CCSER1: variants seen among roughly 807,000 people sequenced by gnomAD.
CCSER1 encodes the protein serine-rich coiled-coil domain-containing protein 1.
A neutral mutation model predicts 82.0 loss-of-function variants in CCSER1; 41 were observed. The observed-to-expected ratio is 0.50, with a 90% CI of 0.39 to 0.65. The LOEUF (loss-of-function observed/expected upper bound fraction) is 0.65, where lower values mean the gene tolerates loss of function less well. CCSER1 is among the 30% of genes least tolerant of loss of function. The probability of loss-of-function intolerance (pLI) is 0.00; values close to 1 mark genes in which losing one functional copy is unlikely to be tolerated. For missense variants in CCSER1, 1,119 were observed against 1,064.2 expected (o/e 1.05, Z -0.72); for synonymous variants, 414 against 383.9 (o/e 1.08, Z -0.92).
At chr4:91,455,458 A>G (rs890213802) in intron 10 of CCSER1, among the ~76,000 whole-genome samples, 4 of 152,036 alleles carry the variant, frequency 2.6e-5, no homozygotes, top group Non-Finnish European at 5.9e-5. Flanking sequence ...GATTGAATGG[A>G]GTGTTCTTGC....
chr4:90,664,070 T>G (rs1004195237), intron 6 of CCSER1: 1 of 161,680 alleles, frequency 6.2e-6, no homozygotes, highest in Admixed American at 6.3e-5. Context: ...TTACAAGATA[T>G]TTTATACAAA....
intron 5 of CCSER1, among the ~76,000 whole-genome samples, chr4:90,470,319 A>T (rs1434115401): frequency 6.6e-6 from 1 of 152,196 alleles, no homozygotes; most frequent in East Asian, 1.9e-4. Context: ...GATGCCATCT[A>T]TCAAATGGAA....
rs1007972043 is a variant in CCSER1, at chr4:91,430,856, A to G, written c.2218-167716A>G. Among the ~76,000 whole-genome samples, 11 of 152,322 alleles carry G rather than the reference A, an allele frequency of 7.2e-5. No homozygotes were observed. The South Asian group carries it at 2.3e-3, about 32-fold the overall frequency. Reference sequence around the variant, plus strand: ...TTTTAGTCAAGTGCTAAACCTATTAATGATGGAAATCCTCTAGCGTTTTAT... The same window carrying G: ...TTTTAGTCAAGTGCTAAACCTATTAGTGATGGAAATCCTCTAGCGTTTTAT... On this transcript the variant is annotated intron_variant, in intron 10 of 10. Coordinates refer to ENST00000509176, the MANE Select transcript of CCSER1 (RefSeq NM_001145065.2).
At chr4:90,839,873 AG>A (rs1370067555) in intron 8 of CCSER1, among the ~76,000 whole-genome samples, 3 of 152,196 alleles carry the variant, frequency 2.0e-5, no homozygotes, top group Non-Finnish European at 4.4e-5. Flanking sequence ...GGAAGTATAA[AG>A]GATTGATACA....
chr4:90,806,172 CA>C (rs1757477778), intron 7 of CCSER1, among the ~76,000 whole-genome samples: 1 of 152,096 alleles, frequency 6.6e-6, no homozygotes, highest in African/African-American at 2.4e-5. Context: ...TGCTGGGTAG[CA>C]AAAATTCATT....
rs565078645 is a variant in CCSER1 at position 90,421,749 on chromosome 4, G to A, written c.1603+21620G>A. ...AAAAGTTTAGAGTTGTAGGATTGGC[G>A]GAAACAGTGAGGGGAGGATTTTAAC... is the stretch of plus-strand genomic sequence containing the variant. On this transcript the variant is annotated intron_variant, in intron 4 of 10. Coordinates refer to ENST00000509176, the MANE Select transcript of CCSER1 (RefSeq NM_001145065.2). 3.9e-5 allele frequency among the ~76,000 whole-genome samples: 6 copies of A among 152,186 alleles called. No individual in the cohort carries two copies. The South Asian group carries it at 1.0e-3, about 26-fold the overall frequency.
At chr4:90,324,328 C>T (rs1737720111) in intron 3 of CCSER1, among the ~76,000 whole-genome samples, 1 of 150,036 alleles carries the variant, frequency 6.7e-6, no homozygotes, top group South Asian at 2.2e-4. Context: ...CTCTCCAGCA[C>T]CTGTTGTTTC....
intron 4 of CCSER1, among the ~76,000 whole-genome samples, chr4:90,461,481 A>T (rs7677243): frequency 0.026 from 4,027 of 152,266 alleles, 85 homozygotes; most frequent in African/African-American, 0.061. Flanking sequence ...TTAAGTTTAG[A>T]AGGTGTTTAA....
At chr4:91,332,734 C>G (rs1747042700) in intron 10 of CCSER1, among the ~76,000 whole-genome samples, 1 of 151,934 alleles carries the variant, frequency 6.6e-6, no homozygotes, top group African/African-American at 2.4e-5. Flanking sequence ...ACGTAAGGAG[C>G]TTTGTATACT....
rs548178082 is a variant in CCSER1, at chr4:90,189,314, A to T, written c.-42+61483A>T. Among the ~76,000 whole-genome samples, 4 of 151,932 alleles carry T rather than the reference A, an allele frequency of 2.6e-5. No individual in the cohort carries two copies. In the South Asian group the frequency reaches 8.3e-4, roughly 32 times the overall value. On this transcript the variant is annotated intron_variant, in intron 1 of 10. Transcript: ENST00000509176. Reference sequence around the variant, plus strand: ...CAATGTGGTCTGTAATGAATCCCCAACCCTAGAGAGTTCTAAATATAGAAT... The same window carrying T: ...CAATGTGGTCTGTAATGAATCCCCATCCCTAGAGAGTTCTAAATATAGAAT...
chr4:90,139,204 A>G (rs1003853581), intron 1 of CCSER1, among the ~76,000 whole-genome samples: 2 of 152,148 alleles, frequency 1.3e-5, no homozygotes, highest in African/African-American at 4.8e-5. Context: ...AGAAACTCTT[A>G]TTTACATAAA....
intron 1 of CCSER1, among the ~76,000 whole-genome samples, chr4:90,195,084 G>C (rs541163542): frequency 6.6e-6 from 1 of 152,118 alleles, no homozygotes; most frequent in East Asian, 1.9e-4. Flanking sequence ...TTCAATAAAA[G>C]GGAAGCTTAA....
At chr4:91,229,184 T>C (rs1738428161) in intron 10 of CCSER1, among the ~76,000 whole-genome samples, 1 of 151,818 alleles carries the variant, frequency 6.6e-6, no homozygotes, top group African/African-American at 2.4e-5. Flanking sequence ...AAACCTTGTG[T>C]TTTACAGGCA....
chr4:91,109,482 C>A (rs550986846), intron 10 of CCSER1, among the ~76,000 whole-genome samples: 1 of 151,192 alleles, frequency 6.6e-6, no homozygotes, highest in Admixed American at 6.6e-5. Flanking sequence ...GGTAGGTAGT[C>A]CTAAGTTAAA....
intron 6 of CCSER1, among the ~76,000 whole-genome samples, chr4:90,688,498 T>C (rs536743640): frequency 1.6e-4 from 24 of 152,254 alleles, no homozygotes; most frequent in African/African-American, 5.8e-4. Flanking sequence ...ATTATATACT[T>C]GTTACCATAT....
chr4:90,244,526 G>A (rs1721074261), intron 1 of CCSER1, among the ~76,000 whole-genome samples: 1 of 152,168 alleles, frequency 6.6e-6, no homozygotes, highest in African/African-American at 2.4e-5. Context: ...AAGGAAAGAG[G>A]TTTAATTGAC....
intron 7 of CCSER1, among the ~76,000 whole-genome samples, chr4:90,794,397 C>G (rs1755685749): frequency 6.6e-6 from 1 of 152,150 alleles, no homozygotes. Flanking sequence ...CCAGTTATCC[C>G]AGCACCATTT....
chr4:90,729,409 T>A (rs1483434011), intron 7 of CCSER1, among the ~76,000 whole-genome samples: 1 of 152,210 alleles, frequency 6.6e-6, no homozygotes, highest in Non-Finnish European at 1.5e-5. Flanking sequence ...TTTATACGCT[T>A]GAGTATTCAG....
At chr4:91,178,843 A>T (rs145385391) in intron 10 of CCSER1, among the ~76,000 whole-genome samples, 1 of 152,122 alleles carries the variant, frequency 6.6e-6, no homozygotes, top group Non-Finnish European at 1.5e-5. Context: ...TCCTGTCATT[A>T]TGATGTTAGC....
Sources: gnomAD v4.1 joint callset for allele counts (sites outside exome capture counted in the v4.1 genomes callset) on GRCh38, gnomAD v4.1.1 for gene constraint, MANE v1.5 for transcripts, NCBI Gene and HGNC (gene_info 2026-07-23, HGNC 2026-07-21) for gene names.